The following SYT17 variants were observed in gnomAD, a reference collection of about 807,000 sequenced individuals.
SYT17 encodes the protein synaptotagmin-17.
In SYT17, 22 loss-of-function variants were observed where a neutral mutation model predicts 46.7. That is an observed-to-expected ratio of 0.47 (90% CI 0.34 to 0.67). The LOEUF (loss-of-function observed/expected upper bound fraction) is 0.67. SYT17 is among the 30% of genes least tolerant of loss of function. SYT17 has a pLI of 0.01. For synonymous variants in SYT17, 251 were observed against 248.4 expected (o/e 1.01, Z -0.10); for missense variants, 519 against 612.8 (o/e 0.85, Z 1.62).
chr16:19,173,431 G>A lies in SYT17; in HGVS notation c.35G>A (p.Gly12Asp), dbSNP rs1475095681. ...AYIQLEPLNE[G>D]FLSRISGLLL... ...GCCCACCTCCCCCAATGGCCTCAGG[G>A]TTTTCTTTCTAGAATCTCTGGTCTG... is the stretch of plus-strand genomic sequence containing the variant. The change falls in exon 3 of 8, where the codon GGT (glycine) becomes GAT (aspartate). Residue 12 changes from glycine to aspartate, a missense_variant and splice_region_variant. Coordinates refer to ENST00000355377, the MANE Select transcript of SYT17 (RefSeq NM_016524.4). The A allele has an allele frequency of 1.3e-6, 2 of 1,582,682 alleles. No homozygotes were observed. Among genetic ancestry groups the A allele is most frequent in the Non-Finnish European group, 1.7e-6 (2 of 1,165,126 alleles).
At chr16:19,248,373 TTTACCC>T (rs1311503493) in intron 7 of SYT17, among the ~76,000 whole-genome samples, 1 of 152,128 alleles carries the variant, frequency 6.6e-6, no homozygotes, top group Non-Finnish European at 1.5e-5. Context: ...CTCCTAGGTA[TTTACCC>T]AAGAGAAACA....
intron 6 of SYT17, 75 bp from the exon 7 acceptor site, chr16:19,224,608 G>T: frequency 6.6e-7 from 1 of 1,524,880 alleles, no homozygotes; most frequent in East Asian, 2.3e-5. Flanking sequence ...TGGATGGGAG[G>T]TTGAATGGCA....
At chr16:19,221,186 C>CAA (rs575577083) in intron 5 of SYT17, among the ~76,000 whole-genome samples, 2,339 of 62,368 alleles carry the variant, frequency 0.038, 124 homozygotes, top group African/African-American at 0.11. Flanking sequence ...GACCTTGTCT[C>CAA]AAAAAAAAAA....
chr16:19,224,796 G>C lies in SYT17; in HGVS notation c.1186G>C (p.Val396Leu), dbSNP rs767002815. Residue 396 changes from valine to leucine, a missense_variant, in exon 7 of 8, where the codon GTT (valine) becomes CTT (leucine). Transcript: ENST00000355377. ...CTACAATGAATCCTTCAGCTTCAAA[G>C]TTCCCCAAGAAGAACTGGAAAATGC... is the stretch of plus-strand genomic sequence containing the variant. The part of the protein sequence containing the change: ...PFYNESFSFK[V>L]PQEELENASL... The C allele has an allele frequency of 2.5e-6, 4 of 1,614,092 alleles. No homozygotes were observed. Among genetic ancestry groups the C allele is most frequent in the Non-Finnish European group, 3.4e-6 (4 of 1,179,954 alleles).
At chr16:19,231,366 T>C (rs1966675590) in intron 7 of SYT17, among the ~76,000 whole-genome samples, 1 of 150,872 alleles carries the variant, frequency 6.6e-6, no homozygotes, top group Non-Finnish European at 1.5e-5. Flanking sequence ...AGGTCAGGAG[T>C]TCGGGACTAG....
chr16:19,175,122 G>A (rs947377879), intron 3 of SYT17, among the ~76,000 whole-genome samples: 2 of 152,040 alleles, frequency 1.3e-5, no homozygotes, highest in East Asian at 1.9e-4. Flanking sequence ...ATGAGACCCT[G>A]TCTCAAAAAT....
intron 5 of SYT17, among the ~76,000 whole-genome samples, chr16:19,195,284 G>C: frequency 6.6e-6 from 1 of 152,234 alleles, no homozygotes; most frequent in East Asian, 1.9e-4. Context: ...ACTGGGACTT[G>C]AACCCATGTC....
At chr16:19,172,417 TCTC>T in intron 1 of SYT17, 5 of 1,428,048 alleles carry the variant, frequency 3.5e-6, no homozygotes, top group Non-Finnish European at 4.5e-6. Flanking sequence ...GGTTTGCTCT[TCTC>T]CTGAAGTGTG....
At chr16:19,209,158 T>C (rs8056065) in intron 5 of SYT17, among the ~76,000 whole-genome samples, 20,716 of 151,956 alleles carry the variant, frequency 0.14, 4,350 homozygotes, top group African/African-American at 0.45. Flanking sequence ...CGCGAGCCAC[T>C]GCACCCTGCC....
At chr16:19,173,650 G>C in intron 3 of SYT17, 72 bp downstream of exon 3, 1 of 1,541,840 alleles carries the variant, frequency 6.5e-7, no homozygotes. Context: ...AAGGCGGGTT[G>C]GGGGTCTGGG....
intron 7 of SYT17, among the ~76,000 whole-genome samples, chr16:19,261,229 T>C (rs904836516): frequency 1.3e-5 from 2 of 152,268 alleles, no homozygotes; most frequent in African/African-American, 4.8e-5. Context: ...CAGGCAACTT[T>C]CTAATAGAAG....
At chr16:19,221,208 A>T (rs928822882) in intron 5 of SYT17, among the ~76,000 whole-genome samples, 233 of 136,258 alleles carry the variant, frequency 1.7e-3, no homozygotes, top group Non-Finnish European at 3.3e-3. Flanking sequence ...AAAAAAAAAA[A>T]GAGAGAGAGA....
chr16:19,250,146 A>G (rs1967937008), intron 7 of SYT17: 1 of 1,402,142 alleles, frequency 7.1e-7, no homozygotes, highest in Non-Finnish European at 9.3e-7. Context: ...AAAATTTTTT[A>G]ACATATTGAA....
chr16:19,247,172 G>A (rs1460377168), intron 7 of SYT17, among the ~76,000 whole-genome samples: 3 of 152,312 alleles, frequency 2.0e-5, no homozygotes, highest in Admixed American at 6.5e-5. Context: ...AGGTGGAGAA[G>A]TATAAAGCCC....
intron 7 of SYT17, among the ~76,000 whole-genome samples, chr16:19,239,005 C>A (rs1026219437): frequency 5.3e-5 from 8 of 151,018 alleles, no homozygotes; most frequent in African/African-American, 1.9e-4. Context: ...TGGCCAGGTG[C>A]CATGGCTTAT....
chr16:19,218,252 T>C (rs537819561), intron 5 of SYT17, among the ~76,000 whole-genome samples: 22 of 152,342 alleles, frequency 1.4e-4, no homozygotes, highest in African/African-American at 5.1e-4. Context: ...TGAGCGTTTA[T>C]TAAATGAATC....
chr16:19,173,216 G>A, intron 2 of SYT17: 1 of 563,382 alleles, frequency 1.8e-6, no homozygotes, highest in East Asian at 2.9e-5. Context: ...CCAGCGAGTT[G>A]ATGTTTGCTA....
chr16:19,173,719 C>T, intron 3 of SYT17, 141 bp downstream of exon 3: 5 of 942,284 alleles, frequency 5.3e-6, no homozygotes, highest in Non-Finnish European at 7.8e-6. Context: ...CCAGGGACAA[C>T]TTTGCTGCAG....
At chr16:19,188,513 C>CA (rs61202540) in intron 5 of SYT17, among the ~76,000 whole-genome samples, 3,025 of 64,414 alleles carry the variant, frequency 0.047, 88 homozygotes, top group East Asian at 0.098. Flanking sequence ...TTCAGTTCTG[C>CA]AAAAAAAAAA....
Sources: gnomAD v4.1 joint callset for allele counts (sites outside exome capture counted in the v4.1 genomes callset) on GRCh38, gnomAD v4.1.1 for gene constraint, MANE v1.5 for transcripts, NCBI Gene and HGNC (gene_info 2026-07-23, HGNC 2026-07-21) for gene names.